HECW2: variants seen among roughly 807,000 people sequenced by gnomAD.
The protein encoded by HECW2 is E3 ubiquitin-protein ligase HECW2.
In HECW2, 61 loss-of-function variants were observed where a neutral mutation model predicts 175.2. That is an observed-to-expected ratio of 0.35 (90% CI 0.28 to 0.43). The LOEUF (loss-of-function observed/expected upper bound fraction) is 0.43, where lower values mean the gene tolerates loss of function less well. Among genes scored for constraint, HECW2 ranks in the 20% least tolerant of loss-of-function variants. The pLI is 1.00. For synonymous variants in HECW2, 671 were observed against 731.0 expected, an observed-to-expected ratio of 0.92 and a Z score of 1.32; for missense variants, 1,524 against 2,000.5, an observed-to-expected ratio of 0.76 and a Z score of 4.54.
At chr2:196,425,818 C>G (rs1695531005) in intron 2 of HECW2, among the ~76,000 whole-genome samples, 1 of 152,086 alleles carries the variant, frequency 6.6e-6, no homozygotes, top group South Asian at 2.1e-4. Context: ...ATTCCATAAA[C>G]TGAGTTGAAA....
At chr2:196,330,616 A>C (rs1343127109) in intron 4 of HECW2, among the ~76,000 whole-genome samples, 2 of 151,832 alleles carry the variant, frequency 1.3e-5, no homozygotes, top group East Asian at 3.9e-4. Flanking sequence ...GTCAATCCCC[A>C]CCCTCAATAT....
chr2:196,544,907 T>C (rs1421015136), intron 1 of HECW2, among the ~76,000 whole-genome samples: 1 of 152,172 alleles, frequency 6.6e-6, no homozygotes, highest in African/African-American at 2.4e-5. Flanking sequence ...CAAGTTCAGA[T>C]TTTGCTTCTT....
At chr2:196,456,386 T>A (rs930760255) in intron 1 of HECW2, among the ~76,000 whole-genome samples, 2 of 152,150 alleles carry the variant, frequency 1.3e-5, no homozygotes, top group Non-Finnish European at 2.9e-5. Flanking sequence ...CTCCTATCAC[T>A]GATTTACCTT....
intron 28 of HECW2, among the ~76,000 whole-genome samples, chr2:196,209,958 T>C (rs965749632): frequency 6.6e-6 from 1 of 152,110 alleles, no homozygotes; most frequent in Non-Finnish European, 1.5e-5. Flanking sequence ...AGAGACGGGG[T>C]TTCACCATGT....
chr2:196,515,016 G>A (rs1688099024), intron 1 of HECW2, among the ~76,000 whole-genome samples: 1 of 152,228 alleles, frequency 6.6e-6, no homozygotes, highest in Admixed American at 6.5e-5. Context: ...GACTCCCCAA[G>A]CCAGGGCTGT....
chr2:196,535,893 T>C (rs1017681281), intron 1 of HECW2, among the ~76,000 whole-genome samples: 2 of 152,066 alleles, frequency 1.3e-5, no homozygotes, highest in African/African-American at 4.8e-5. Flanking sequence ...CAATTAGAGA[T>C]CTGAGTTAAC....
At chr2:196,566,990 G>C (rs1349445069) in intron 1 of HECW2, among the ~76,000 whole-genome samples, 1 of 152,228 alleles carries the variant, frequency 6.6e-6, no homozygotes. Flanking sequence ...CAGCATTTTA[G>C]CTGGGTACAT....
intron 1 of HECW2, among the ~76,000 whole-genome samples, chr2:196,449,039 C>CT (rs1696269699): frequency 6.6e-6 from 1 of 152,192 alleles, no homozygotes; most frequent in South Asian, 2.1e-4. Flanking sequence ...CTGCCTCCCA[C>CT]TTCAATGTTG....
At chr2:196,559,216 C>A (rs1419853661) in intron 1 of HECW2, among the ~76,000 whole-genome samples, 1 of 152,156 alleles carries the variant, frequency 6.6e-6, no homozygotes, top group African/African-American at 2.4e-5. Flanking sequence ...TCCCATTAGA[C>A]CCTCCCACCT....
At chr2:196,329,895 C>T (rs895427821) in intron 4 of HECW2, among the ~76,000 whole-genome samples, 1 of 152,098 alleles carries the variant, frequency 6.6e-6, no homozygotes, top group African/African-American at 2.4e-5. Flanking sequence ...AACTATGAAT[C>T]AAACTATGTC....
intron 14 of HECW2, chr2:196,290,426 T>C (rs1690564053): frequency 6.6e-6 from 1 of 152,400 alleles, no homozygotes; most frequent in Non-Finnish European, 1.5e-5. Context: ...CTAAAGTGTG[T>C]CTGGCAAGTT....
At chr2:196,570,913 T>C (rs1355951893) in intron 1 of HECW2, among the ~76,000 whole-genome samples, 2 of 152,178 alleles carry the variant, frequency 1.3e-5, no homozygotes, top group African/African-American at 2.4e-5. Flanking sequence ...CGGACTTATG[T>C]TACCTGCTTG....
At chr2:196,485,142 G>C (rs931862453) in intron 1 of HECW2, among the ~76,000 whole-genome samples, 1 of 152,128 alleles carries the variant, frequency 6.6e-6, no homozygotes, top group African/African-American at 2.4e-5. Context: ...ACAAGAGAAA[G>C]AGCCATTGGA....
At chr2:196,229,324 AT>A (rs1046702907) in intron 21 of HECW2, among the ~76,000 whole-genome samples, 6 of 151,940 alleles carry the variant, frequency 3.9e-5, no homozygotes, top group Admixed American at 3.3e-4. Flanking sequence ...TGAAAAAAAA[AT>A]CTGAGTCTTG....
intron 19 of HECW2, among the ~76,000 whole-genome samples, chr2:196,249,085 TCAAA>T (rs1378277756): frequency 1.3e-5 from 2 of 151,808 alleles, no homozygotes; most frequent in Non-Finnish European, 2.9e-5. Flanking sequence ...AAATAGGGGG[TCAAA>T]CAAATTCTCA....
chr2:196,514,976 A>T (rs1466962818), intron 1 of HECW2, among the ~76,000 whole-genome samples: 1 of 152,158 alleles, frequency 6.6e-6, no homozygotes, highest in East Asian at 1.9e-4. Context: ...AGAAGGAGAG[A>T]AGCGGCCCTT....
intron 1 of HECW2, among the ~76,000 whole-genome samples, chr2:196,555,550 C>T (rs1297514887): frequency 2.7e-5 from 4 of 150,896 alleles, no homozygotes; most frequent in African/African-American, 9.8e-5. Flanking sequence ...ATAAAAGACA[C>T]AAGTGATATA....
intron 1 of HECW2, among the ~76,000 whole-genome samples, chr2:196,570,357 C>T (rs1446169414): frequency 2.6e-5 from 4 of 152,150 alleles, no homozygotes; most frequent in Non-Finnish European, 2.9e-5. Context: ...AATTTATCGA[C>T]GTCAGAGTCA....
chr2:196,521,632 CT>C (rs1452745486), intron 1 of HECW2, among the ~76,000 whole-genome samples: 10 of 121,942 alleles, frequency 8.2e-5, no homozygotes, highest in Non-Finnish European at 1.5e-4. Flanking sequence ...TCCCTCCCCC[CT>C]CCCCCCACCC....
Sources: gnomAD v4.1 joint callset for allele counts (sites outside exome capture counted in the v4.1 genomes callset) on GRCh38, gnomAD v4.1.1 for gene constraint, MANE v1.5 for transcripts, NCBI Gene and HGNC (gene_info 2026-07-23, HGNC 2026-07-21) for gene names.